Variants in SDK1 observed in about 807,000 individuals in gnomAD.
SDK1 encodes sidekick cell adhesion molecule 1, also known as protein sidekick-1.
SDK1 carries 157 observed loss-of-function variants against 245.5 expected under a neutral mutation model. The ratio of observed to expected loss-of-function variants is 0.64; its 90% CI spans 0.56 to 0.73. The LOEUF (loss-of-function observed/expected upper bound fraction) is 0.73. Among genes scored for constraint, SDK1 ranks in the 30% least tolerant of loss-of-function variants. SDK1 has a pLI of 0.00. For synonymous variants in SDK1, 1,647 were observed against 1,278.5 expected, an observed-to-expected ratio of 1.29 and a Z score of -6.15; for missense variants, 3,583 against 3,002.3, an observed-to-expected ratio of 1.19 and a Z score of -4.52.
intron 40 of SDK1, chr7:4,227,023 C>G: frequency 5.5e-6 from 1 of 180,422 alleles, no homozygotes; most frequent in Admixed American, 5.8e-5. Context: ...ATGGGGACAC[C>G]CCCCAGCCGG....
At chr7:3,354,724 C>T (rs1780747485) in intron 1 of SDK1, among the ~76,000 whole-genome samples, 1 of 152,202 alleles carries the variant, frequency 6.6e-6, no homozygotes, top group African/African-American at 2.4e-5. Context: ...GCCCTGCTAG[C>T]TAATATGTTA....
chr7:3,653,722 TCACA>T lies in SDK1; in HGVS notation c.713+11618_713+11621del, dbSNP rs576694783. On this transcript the variant is annotated intron_variant, in intron 4 of 44. Transcript: ENST00000404826. The stretch of plus-strand genomic sequence containing the variant: ...GGAGAAACGGGTTGGGAGTGCTGGC[TCACA>T]GCTGTGATGAGGGTTTGCTCTAGCT... Among the ~76,000 whole-genome samples, 1,029 of 152,234 alleles carry T rather than the reference TCACA, an allele frequency of 6.8e-3. 4 individuals carry two copies. Among genetic ancestry groups the T allele is most frequent in the Admixed American group, 9.1e-3 (139 of 15,284 alleles).
chr7:3,919,498 G>A (rs1779512636), intron 5 of SDK1, among the ~76,000 whole-genome samples: 1 of 152,226 alleles, frequency 6.6e-6, no homozygotes, highest in Non-Finnish European at 1.5e-5. Flanking sequence ...AACTGGAGTT[G>A]CACTCGTACC....
intron 4 of SDK1, among the ~76,000 whole-genome samples, chr7:3,698,380 C>A (rs932062825): frequency 2.6e-4 from 39 of 152,120 alleles, no homozygotes; most frequent in African/African-American, 9.4e-4. Context: ...ACCTGAGGCG[C>A]CTGAACTTCC....
chr7:3,581,016 C>T (rs1384904947), intron 1 of SDK1, among the ~76,000 whole-genome samples: 4 of 111,732 alleles, frequency 3.6e-5, no homozygotes, highest in Non-Finnish European at 5.4e-5. Context: ...CCCTGGAAGA[C>T]AATCTATGCA....
intron 27 of SDK1, among the ~76,000 whole-genome samples, chr7:4,130,906 G>A (rs1451785722): frequency 2.0e-5 from 3 of 152,142 alleles, no homozygotes; most frequent in Admixed American, 6.5e-5. Flanking sequence ...TCTTTGCTGA[G>A]TAACTAAATG....
At chr7:3,733,271 A>G (rs958598366) in intron 4 of SDK1, among the ~76,000 whole-genome samples, 14 of 152,214 alleles carry the variant, frequency 9.2e-5, no homozygotes, top group East Asian at 3.8e-4. Flanking sequence ...TGTCCTAAGA[A>G]CTTTTGCAGG....
intron 1 of SDK1, among the ~76,000 whole-genome samples, chr7:3,348,283 C>G (rs1780561316): frequency 6.6e-6 from 1 of 152,136 alleles, no homozygotes; most frequent in Non-Finnish European, 1.5e-5. Context: ...CCACTGTAAG[C>G]TGGAATAATG....
At chr7:3,701,802 A>G (rs1449549307) in intron 4 of SDK1, among the ~76,000 whole-genome samples, 3 of 152,074 alleles carry the variant, frequency 2.0e-5, no homozygotes, top group Admixed American at 6.6e-5. Context: ...CAGAATGGGG[A>G]ACATAGAAAT....
intron 4 of SDK1, among the ~76,000 whole-genome samples, chr7:3,803,127 T>A (rs1467181482): frequency 1.3e-5 from 2 of 152,200 alleles, no homozygotes; most frequent in African/African-American, 4.8e-5. Context: ...TACTGTTTTT[T>A]TACATTAGCC....
chr7:3,924,944 A>T (rs537450632), intron 5 of SDK1, among the ~76,000 whole-genome samples: 2 of 152,054 alleles, frequency 1.3e-5, no homozygotes, highest in Non-Finnish European at 1.5e-5. Context: ...ATTTTCCCCC[A>T]GCTGGAGGCC....
At chr7:3,310,632 G>T (rs1408938450) in intron 1 of SDK1, among the ~76,000 whole-genome samples, 1 of 152,150 alleles carries the variant, frequency 6.6e-6, no homozygotes, top group East Asian at 1.9e-4. Context: ...CATTAGTTTG[G>T]TTTTGAATTT....
chr7:3,723,965 G>A (rs1355675212), intron 4 of SDK1, among the ~76,000 whole-genome samples: 1 of 149,526 alleles, frequency 6.7e-6, no homozygotes, highest in Admixed American at 6.6e-5. Context: ...GAGAGAGAGA[G>A]AGAGAGAGAG....
At chr7:3,586,789 G>T (rs897972148) in intron 1 of SDK1, among the ~76,000 whole-genome samples, 2 of 152,098 alleles carry the variant, frequency 1.3e-5, no homozygotes, top group African/African-American at 2.4e-5. Flanking sequence ...TGTCATCTGG[G>T]TATCATGTGG....
At chr7:4,043,527 A>G (rs1034155675) in intron 17 of SDK1, among the ~76,000 whole-genome samples, 1 of 152,216 alleles carries the variant, frequency 6.6e-6, no homozygotes, top group African/African-American at 2.4e-5. Flanking sequence ...AGCCCACATA[A>G]TGAGAAGGGA....
At position 4,054,486 on chromosome 7, in the gene SDK1, T is replaced by G. The variant is rs1357824306; in HGVS notation, c.2911+2656T>G. 2.0e-5 allele frequency among the ~76,000 whole-genome samples: 3 copies of G among 152,236 alleles called. No individual in the cohort carries two copies. In the East Asian group the frequency reaches 5.8e-4, roughly 29 times the overall value. On this transcript the variant is annotated intron_variant, in intron 19 of 44. Coordinates refer to ENST00000404826, the MANE Select transcript of SDK1 (RefSeq NM_152744.4). ...TTAGTCCTGTACAGTTTGACACATGTGTAGGTTTGTGTATCTACCACGATA... is the reference window on the plus strand; with the variant it reads ...TTAGTCCTGTACAGTTTGACACATGGGTAGGTTTGTGTATCTACCACGATA...
chr7:3,594,015 G>A (rs1481612630), intron 1 of SDK1, among the ~76,000 whole-genome samples: 1 of 152,132 alleles, frequency 6.6e-6, no homozygotes, highest in Non-Finnish European at 1.5e-5. Flanking sequence ...TTTTTAACAT[G>A]TTTAGGGAGT....
chr7:3,612,498 T>G (rs777160571), intron 1 of SDK1, among the ~76,000 whole-genome samples: 24 of 152,184 alleles, frequency 1.6e-4, no homozygotes, highest in Non-Finnish European at 2.4e-4. Flanking sequence ...GAAATTTGAA[T>G]GACTACACTT....
chr7:3,320,023 A>G lies in SDK1; in HGVS notation c.298+18139A>G, dbSNP rs139276018. Among the ~76,000 whole-genome samples, 146 of 151,924 alleles carry G rather than the reference A, an allele frequency of 9.6e-4. 1 individual carries two copies. The highest frequency in any genetic ancestry group is 3.3e-3 in the African/African-American group (136 of 41,422). On this transcript the variant is annotated intron_variant, in intron 1 of 44. Coordinates refer to ENST00000404826, the MANE Select transcript of SDK1 (RefSeq NM_152744.4). ...AGAATTGCCTGGATGTGGTGGAGGG[A>G]TATGATGAGGCAGAATCACAATTCT... is the stretch of plus-strand genomic sequence containing the variant.
Sources: gnomAD v4.1 joint callset for allele counts (sites outside exome capture counted in the v4.1 genomes callset) on GRCh38, gnomAD v4.1.1 for gene constraint, MANE v1.5 for transcripts, NCBI Gene and HGNC (gene_info 2026-07-23, HGNC 2026-07-21) for gene names.